WDR41: variants seen among roughly 807,000 people sequenced by gnomAD.
WDR41 encodes WD repeat-containing protein 41.
A neutral mutation model predicts 69.3 loss-of-function variants in WDR41; 63 were observed. The ratio of observed to expected loss-of-function variants is 0.91; its 90% CI spans 0.74 to 1.12. WDR41 has a LOEUF of 1.12. Among genes scored for constraint, WDR41 ranks in the 50% most tolerant of loss-of-function variants. WDR41 has a pLI of 0.00. For synonymous variants in WDR41, 185 were observed against 192.1 expected (o/e 0.96, Z 0.31); for missense variants, 543 against 534.5 (o/e 1.02, Z -0.16).
intron 2 of WDR41, among the ~76,000 whole-genome samples, chr5:77,476,941 G>A (rs1187985256): frequency 6.9e-6 from 1 of 144,980 alleles, no homozygotes; most frequent in African/African-American, 2.7e-5. Flanking sequence ...CTCACGTGCA[G>A]AGACACACAT....
chr5:77,613,981 T>C (rs1026325931), intron 1 of WDR41, among the ~76,000 whole-genome samples: 19 of 152,074 alleles, frequency 1.2e-4, no homozygotes, highest in Non-Finnish European at 2.1e-4. Context: ...AACAAGTGGG[T>C]GAAGGATATG....
intron 2 of WDR41, among the ~76,000 whole-genome samples, chr5:77,479,839 A>C (rs6453310): frequency 0.61 from 91,707 of 150,488 alleles, 29,692 homozygotes; most frequent in African/African-American, 0.84. Flanking sequence ...TAATTAAACT[A>C]AAGAGCTTCT....
Position 77,431,851 on chromosome 5 carries a change from TGTTGTTTG to T in WDR41, c.*1276_*1283del, listed in dbSNP as rs1328163253. ...CTCCATAGAACTTTTCATGACTCAA[TGTTGTTTG>T]GATTTAAAGTAGTCATATAAGCCTT... On this transcript the variant is annotated 3_prime_UTR_variant, in exon 13 of 13. Transcript: ENST00000296679. 6.7e-6 allele frequency: 1 copy of T among 148,572 alleles called. No individual in the cohort carries two copies. The highest frequency in any genetic ancestry group is 2.5e-5 in the African/African-American group (1 of 40,116). The allele number at this position is 148,572 out of a possible 1,614,324, so 9.2% of individuals were successfully genotyped here.
At chr5:77,505,775 A>G (rs1802095044) in intron 1 of WDR41, among the ~76,000 whole-genome samples, 1 of 152,208 alleles carries the variant, frequency 6.6e-6, no homozygotes, top group African/African-American at 2.4e-5. Context: ...TGACAAAAAC[A>G]AGAAACGGGG....
At chr5:77,481,080 G>A (rs893074425) in intron 2 of WDR41, among the ~76,000 whole-genome samples, 1 of 151,118 alleles carries the variant, frequency 6.6e-6, no homozygotes, top group African/African-American at 2.4e-5. Context: ...GGAGTGCAAT[G>A]GCGTGATCTC....
chr5:77,591,220 C>A (rs949805938), intron 1 of WDR41, among the ~76,000 whole-genome samples: 2 of 151,878 alleles, frequency 1.3e-5, no homozygotes, highest in Admixed American at 1.3e-4. Flanking sequence ...TCCTTATTGC[C>A]TTTTCAATAA....
At chr5:77,464,952 T>C in intron 2 of WDR41, 143 bp from the exon 3 acceptor site, 1 of 791,044 alleles carries the variant, frequency 1.3e-6, no homozygotes, top group Non-Finnish European at 2.0e-6. Flanking sequence ...AAAATATTTA[T>C]GAAACACATT....
At chr5:77,478,310 C>T (rs569142839) in intron 2 of WDR41, among the ~76,000 whole-genome samples, 1 of 151,960 alleles carries the variant, frequency 6.6e-6, no homozygotes, top group Non-Finnish European at 1.5e-5. Flanking sequence ...AGGGAATCCT[C>T]CCTAACTCAT....
chr5:77,469,578 T>C (rs927207149), intron 2 of WDR41, among the ~76,000 whole-genome samples: 3 of 152,182 alleles, frequency 2.0e-5, no homozygotes, highest in Non-Finnish European at 4.4e-5. Context: ...TTTCTGGCAG[T>C]CATTTTTGCG....
chr5:77,489,597 C>G, intron 1 of WDR41, 25 bp from the exon 2 acceptor site: 1 of 1,213,940 alleles, frequency 8.2e-7, no homozygotes. Flanking sequence ...AAAAAAAAAG[C>G]AAAAAACAAA....
At chr5:77,460,837 G>T (rs781453110) in intron 4 of WDR41, among the ~76,000 whole-genome samples, 3 of 152,118 alleles carry the variant, frequency 2.0e-5, no homozygotes, top group Non-Finnish European at 4.4e-5. Context: ...GTGCTTAAAA[G>T]GTCTTGGATT....
rs1225410520 is a variant in WDR41 at position 77,438,268 on chromosome 5, C to A, written c.976G>T (p.Val326Phe). The change falls in exon 10 of 13, where the codon GTC becomes TTC. Residue 326 changes from valine (V) to phenylalanine (F), a missense_variant. By Grantham distance (50) the Val-to-Phe change is conservative (BLOSUM62 -1). Coordinates refer to ENST00000296679, the MANE Select transcript of WDR41 (RefSeq NM_018268.4). ...TTTGGAAGTCTGGCAACGTGCAGGA[C>A]ATTGGAGTCATGTGCAGTTTTCTGG... ...ACQKTAHDSNVLHVARLPNRQ... is the reference protein window; with the variant it reads ...ACQKTAHDSNFLHVARLPNRQ... 13 of 1,613,946 alleles carry A rather than the reference C, an allele frequency of 8.1e-6. No individual in the cohort carries two copies. Among genetic ancestry groups the A allele is most frequent in the Non-Finnish European group, 1.1e-5 (13 of 1,179,918 alleles).
intron 8 of WDR41, among the ~76,000 whole-genome samples, chr5:77,445,150 A>T (rs1314605387): frequency 6.6e-6 from 1 of 152,204 alleles, no homozygotes; most frequent in Non-Finnish European, 1.5e-5. Flanking sequence ...AATACTATAA[A>T]CACCTCTACA....
chr5:77,519,247 G>A (rs1802337483), intron 1 of WDR41, among the ~76,000 whole-genome samples: 1 of 151,744 alleles, frequency 6.6e-6, no homozygotes, highest in African/African-American at 2.4e-5. Flanking sequence ...CATACATAAT[G>A]AGTTTTAATA....
chr5:77,523,671 C>T (rs7706433), intron 1 of WDR41, among the ~76,000 whole-genome samples: 24,640 of 151,972 alleles, frequency 0.16, 3,235 homozygotes, highest in African/African-American at 0.35. Context: ...GAATACCAGG[C>T]TCTTTTTTAG....
At chr5:77,474,547 G>A (rs1010583373) in intron 2 of WDR41, among the ~76,000 whole-genome samples, 2 of 152,104 alleles carry the variant, frequency 1.3e-5, no homozygotes, top group Admixed American at 6.5e-5. Context: ...TGAAGGAAAC[G>A]TCAAAGCATT....
At chr5:77,460,552 C>A (rs2151319469) in intron 4 of WDR41, among the ~76,000 whole-genome samples, 1 of 152,226 alleles carries the variant, frequency 6.6e-6, no homozygotes, top group East Asian at 1.9e-4. Context: ...TTAGTTTTTA[C>A]AGGTTGGGTA....
chr5:77,435,568 A>T (rs904985801), intron 12 of WDR41, among the ~76,000 whole-genome samples: 1 of 152,176 alleles, frequency 6.6e-6, no homozygotes, highest in South Asian at 2.1e-4. Context: ...AATGAAAAGA[A>T]ATTTTTTGTT....
At chr5:77,480,081 C>T (rs1248424846) in intron 2 of WDR41, 2 of 151,666 alleles carry the variant, frequency 1.3e-5, no homozygotes, top group Non-Finnish European at 3.0e-5. Flanking sequence ...AAATGCTCAC[C>T]ATCACTGGCC....
Sources: gnomAD v4.1 joint callset for allele counts (sites outside exome capture counted in the v4.1 genomes callset) on GRCh38, gnomAD v4.1.1 for gene constraint, MANE v1.5 for transcripts, NCBI Gene and HGNC (gene_info 2026-07-23, HGNC 2026-07-21) for gene names.